The following FBH1 variants were observed in gnomAD, a reference collection of about 807,000 sequenced individuals.
The protein encoded by FBH1 is F-box DNA helicase 1.
Under a neutral mutation model 115.5 loss-of-function variants are expected in FBH1, and 43 were observed. The ratio of observed to expected loss-of-function variants is 0.37; its 90% CI spans 0.29 to 0.48. The LOEUF is 0.48. Ranked by LOEUF, FBH1 falls within the 20% of genes least tolerant of loss-of-function variation. FBH1 has a pLI of 0.99. For synonymous variants in FBH1, 524 were observed against 507.8 expected, an observed-to-expected ratio of 1.03 and a Z score of -0.43; for missense variants, 1,001 against 1,337.3, an observed-to-expected ratio of 0.75 and a Z score of 3.92.
rs1206540379 is a variant in FBH1, at chr10:5,921,136, C to T, written c.2101-122C>T. ...AAAGTGAGCCTGTGAAGTTCGCTTT[C>T]CATGCGGGGGGTCAGGAACAACTTG... On this transcript the variant is annotated intron_variant, in intron 13 of 20. Coordinates refer to ENST00000362091, the MANE Select transcript of FBH1 (RefSeq NM_178150.3). This position sits in a 1 kb window ranked among gnomAD's most constrained non-coding sequence, Gnocchi z 6.4. 1.3e-5 allele frequency: 11 copies of T among 815,758 alleles called. No individual in the cohort carries two copies. The highest frequency in any genetic ancestry group is 2.2e-5 in the Non-Finnish European group (11 of 510,628). The allele number at this position is 815,758 out of a possible 1,614,324, so 50.5% of individuals were successfully genotyped here. A position where few individuals can be genotyped will look rare whatever the true frequency, so the allele number is the denominator to read the frequency against.
rs370027972 is a variant in FBH1 at position 5,916,091 on chromosome 10, A to G, written c.1566-143A>G. 18 of 713,874 alleles carry G rather than the reference A, an allele frequency of 2.5e-5. No individual in the cohort carries two copies. The African/African-American group carries it at 2.8e-4, about 11-fold the overall frequency. 44.2% of individuals were successfully genotyped at this position (713,874 alleles called of 1,614,324 possible). A position where few individuals can be genotyped will look rare whatever the true frequency, so the allele number is the denominator to read the frequency against. ...TCCAGTCAGACATGGACCATGCAGAACTTTTTCGCTTTAAAACATTAACAC... is the reference window on the plus strand; with the variant it reads ...TCCAGTCAGACATGGACCATGCAGAGCTTTTTCGCTTTAAAACATTAACAC... On this transcript the variant is annotated intron_variant, in intron 9 of 20. Coordinates refer to ENST00000362091, the MANE Select transcript of FBH1 (RefSeq NM_178150.3).
intron 19 of FBH1, among the ~76,000 whole-genome samples, chr10:5,930,052 T>G (rs1832882946): frequency 6.6e-6 from 1 of 152,120 alleles, no homozygotes; most frequent in South Asian, 2.1e-4. Context: ...GACTTTTTGT[T>G]TTTGCTTATG....
chr10:5,908,381 C>T (rs963126504), intron 3 of FBH1, among the ~76,000 whole-genome samples: 2 of 152,166 alleles, frequency 1.3e-5, no homozygotes, highest in African/African-American at 4.8e-5. Context: ...GTTACGTGTA[C>T]TAATGTTTCA....
rs1833434774 is a variant in FBH1, at chr10:5,937,425, C to T, written c.*145C>T. 2 of 831,378 alleles carry T rather than the reference C, an allele frequency of 2.4e-6. No homozygotes were observed. The highest frequency in any genetic ancestry group is 3.6e-5 in the African/African-American group (2 of 56,334). 51.5% of individuals were successfully genotyped at this position (831,378 alleles called of 1,614,324 possible). ...GAAGAGGACACCAGCCCAAGCTGGA[C>T]CTGCCATTTCTCCACTCCCTACAGA... On this transcript the variant is annotated 3_prime_UTR_variant, in exon 21 of 21. Coordinates refer to ENST00000362091, the MANE Select transcript of FBH1 (RefSeq NM_178150.3).
At position 5,937,471 on chromosome 10, in the gene FBH1, C is replaced by G. The variant is rs985817889; in HGVS notation, c.*191C>G. 3 of 482,078 alleles carry G rather than the reference C, an allele frequency of 6.2e-6. No homozygotes were observed. Among genetic ancestry groups the G allele is most frequent in the Non-Finnish European group, 1.0e-5 (3 of 289,248 alleles). 29.9% of individuals were successfully genotyped at this position (482,078 alleles called of 1,614,324 possible). A position where few individuals can be genotyped will look rare whatever the true frequency, so the allele number is the denominator to read the frequency against. On this transcript the variant is annotated 3_prime_UTR_variant, in exon 21 of 21. Coordinates refer to ENST00000362091, the MANE Select transcript of FBH1 (RefSeq NM_178150.3). ...ACAGACAGCCAGTCTCCACTTGCCT[C>G]CCCTCTGGATGTATCTGGTCAGGGA...
chr10:5,906,231 C>T lies in FBH1; in HGVS notation c.352C>T (p.Pro118Ser). ...AGGGCCGGGCTCACCAGGGTCTGCCCCGCCCTCCAGGAAGCGGTCTTGGTC... is the reference window on the plus strand; with the variant it reads ...AGGGCCGGGCTCACCAGGGTCTGCCTCGCCCTCCAGGAAGCGGTCTTGGTC... Reference protein sequence around the residue: ...SAGPGSPGSAPPSRKRSWSSE... With the variant: ...SAGPGSPGSASPSRKRSWSSE... The change falls in exon 3 of 21, where the codon CCG becomes TCG. Residue 118 changes from proline to serine, a missense_variant. By Grantham distance (74) the Pro-to-Ser change is moderately conservative. Around this residue, in one of 4 missense-constraint regions of FBH1, gnomAD observed 420 missense variants for 430.4 expected, o/e 0.98. Transcript: ENST00000362091. This position sits in a 1 kb window ranked among gnomAD's most constrained non-coding sequence, Gnocchi z 7.3. 1.2e-6 allele frequency: 2 copies of T among 1,614,228 alleles called. No individual in the cohort carries two copies. The highest frequency in any genetic ancestry group is 2.7e-5 in the African/African-American group (2 of 75,054).
intron 1 of FBH1, chr10:5,891,254 A>G (rs749822443): frequency 1.2e-6 from 1 of 853,608 alleles, no homozygotes; most frequent in Non-Finnish European, 1.4e-6. Context: ...TTTACTCATG[A>G]GCAGATTGAG....
Position 5,911,677 on chromosome 10 carries a change from G to A in FBH1, c.1211+549G>A, listed in dbSNP as rs188629084. Among the ~76,000 whole-genome samples, 19 of 152,292 alleles carry A rather than the reference G, an allele frequency of 1.2e-4. No individual in the cohort carries two copies. The highest frequency in any genetic ancestry group is 2.6e-4 in the Admixed American group (4 of 15,306). ...GTCCACGAGCCGGTCCACTGTGACC[G>A]GCTTAGAGGAGTTAGAGGAGATTCC... On this transcript the variant is annotated intron_variant, in intron 6 of 20. Coordinates refer to ENST00000362091, the MANE Select transcript of FBH1 (RefSeq NM_178150.3). This position sits in a 1 kb window ranked among gnomAD's most constrained non-coding sequence, Gnocchi z 5.4.
Position 5,906,891 on chromosome 10 carries a change from T to G in FBH1, c.753+259T>G, listed in dbSNP as rs1282737340. On this transcript the variant is annotated intron_variant, in intron 3 of 20. Coordinates refer to ENST00000362091, the MANE Select transcript of FBH1 (RefSeq NM_178150.3). This position sits in a 1 kb window ranked among gnomAD's most constrained non-coding sequence, Gnocchi z 7.3. ...TGTGCCCTGACCACAGACTGCACATTCCTTCCCCTCCCTGGGTTGCTCTCA... is the reference window on the plus strand; with the variant it reads ...TGTGCCCTGACCACAGACTGCACATGCCTTCCCCTCCCTGGGTTGCTCTCA... Among the ~76,000 whole-genome samples, 3 of 151,960 alleles carry G rather than the reference T, an allele frequency of 2.0e-5. No homozygotes were observed. Among genetic ancestry groups the G allele is most frequent in the Non-Finnish European group, 4.4e-5 (3 of 68,024 alleles).
At position 5,897,496 on chromosome 10, in the gene FBH1, C is replaced by T. The variant is rs182773266; in HGVS notation, c.2-5524C>T. Among the ~76,000 whole-genome samples, 33 of 152,184 alleles carry T rather than the reference C, an allele frequency of 2.2e-4. No individual in the cohort carries two copies. Among genetic ancestry groups the T allele is most frequent in the African/African-American group, 7.0e-4 (29 of 41,500 alleles). Reference sequence around the variant, plus strand: ...GTTAGTTTTCCTGACCTCCAGCTGACGTTAGAAAAGTTATTTTTGATACAT... The same window carrying T: ...GTTAGTTTTCCTGACCTCCAGCTGATGTTAGAAAAGTTATTTTTGATACAT... On this transcript the variant is annotated intron_variant, in intron 1 of 20. Coordinates refer to ENST00000362091, the MANE Select transcript of FBH1 (RefSeq NM_178150.3). The surrounding 1 kb of genome is among the most constrained non-coding windows in gnomAD (Gnocchi z 4.7).
chr10:5,904,647 G>T (rs1843586505), intron 2 of FBH1, among the ~76,000 whole-genome samples: 1 of 152,104 alleles, frequency 6.6e-6, no homozygotes, highest in Non-Finnish European at 1.5e-5. Context: ...AATTGCTTGA[G>T]CCCAGAAGTG....
chr10:5,903,534 G>A (rs1053747640), intron 2 of FBH1, among the ~76,000 whole-genome samples: 11 of 151,856 alleles, frequency 7.2e-5, no homozygotes, highest in African/African-American at 2.7e-4. Context: ...TCTCCATGTT[G>A]GTCAGGCTGG....
chr10:5,891,206 A>G (rs1241705990), intron 1 of FBH1: 1 of 984,958 alleles, frequency 1.0e-6, no homozygotes, highest in Non-Finnish European at 1.2e-6. Flanking sequence ...GAGATAAATG[A>G]AAAGACTTCT....
Position 5,932,814 on chromosome 10 carries a change from C to G in FBH1, c.2830-3642C>G, listed in dbSNP as rs532486490. The stretch of plus-strand genomic sequence containing the variant: ...CCCACTGCAACCTCCGCCTCCCAGG[C>G]TCAAGCCATCCTCCCACCTCAGCCT... On this transcript the variant is annotated intron_variant, in intron 19 of 20. Coordinates refer to ENST00000362091, the MANE Select transcript of FBH1 (RefSeq NM_178150.3). The surrounding 1 kb of genome is among the most constrained non-coding windows in gnomAD (Gnocchi z 5.9). 1.2e-3 allele frequency among the ~76,000 whole-genome samples: 187 copies of G among 152,240 alleles called. 1 individual carries two copies. The South Asian group carries it at 0.018, about 15-fold the overall frequency.
intron 1 of FBH1, 62 bp from the exon 2 acceptor site, chr10:5,902,958 G>T: frequency 6.7e-7 from 1 of 1,499,872 alleles, no homozygotes; most frequent in Non-Finnish European, 9.0e-7. Flanking sequence ...GTGCTGGCTA[G>T]CTTGTAGAAT....
chr10:5,907,396 G>T (rs780425576), intron 3 of FBH1, among the ~76,000 whole-genome samples: 62 of 151,662 alleles, frequency 4.1e-4, no homozygotes, highest in Non-Finnish European at 7.2e-4. Flanking sequence ...TTTGTCTCAA[G>T]ATATTTTCTA....
In FBH1 at chr10:5,925,595, C is replaced by G; in HGVS notation, c.2722+103C>G. 6.7e-7 allele frequency: 1 copy of G among 1,501,006 alleles called. No homozygotes were observed. The highest frequency in any genetic ancestry group is 9.0e-7 in the Non-Finnish European group (1 of 1,111,582). 93.0% of individuals were successfully genotyped at this position (1,501,006 alleles called of 1,614,324 possible). ...GTTGTTTGTTGGATGGTGTGGCCTC[C>G]TGGTAGGGCACTTCTGGAAAAACTA... On this transcript the variant is annotated intron_variant, in intron 18 of 20. Coordinates refer to ENST00000362091, the MANE Select transcript of FBH1 (RefSeq NM_178150.3). This position sits in a 1 kb window ranked among gnomAD's most constrained non-coding sequence, Gnocchi z 4.6.
At chr10:5,901,347 G>A (rs1014484404) in intron 1 of FBH1, among the ~76,000 whole-genome samples, 10 of 151,824 alleles carry the variant, frequency 6.6e-5, no homozygotes, top group African/African-American at 1.9e-4. Context: ...TAATAGAGAC[G>A]GGGTTTCACT....
In FBH1 at chr10:5,895,230, C is replaced by G; in HGVS notation, c.1+4884C>G. ...AACTGACCAGGGCGGTTAGCTGACT[C>G]CAAAATTGTCCAGATTAGCAAAACT... is the stretch of plus-strand genomic sequence containing the variant. On this transcript the variant is annotated intron_variant, in intron 1 of 20. Coordinates refer to ENST00000362091, the MANE Select transcript of FBH1 (RefSeq NM_178150.3). This position sits in a 1 kb window ranked among gnomAD's most constrained non-coding sequence, Gnocchi z 5.0. 1 of 1,577,898 alleles carries G rather than the reference C, an allele frequency of 6.3e-7. No individual in the cohort carries two copies.
Sources: gnomAD v4.1 joint callset for allele counts (sites outside exome capture counted in the v4.1 genomes callset) on GRCh38, gnomAD v4.1.1 for gene constraint, gnomAD v4.1.1 regional missense constraint, Gnocchi (gnomAD v3.1) non-coding constraint, MANE v1.5 for transcripts, NCBI Gene and HGNC (gene_info 2026-07-23, HGNC 2026-07-21) for gene names.